TMEM232: variants seen among roughly 807,000 people sequenced by gnomAD.
The protein encoded by TMEM232 is transmembrane protein 232.
Under a neutral mutation model 78.8 loss-of-function variants are expected in TMEM232, and 80 were observed. The ratio of observed to expected loss-of-function variants is 1.01; its 90% CI spans 0.85 to 1.22. The LOEUF (loss-of-function observed/expected upper bound fraction) is 1.22, where lower values mean the gene tolerates loss of function less well. Ranked by LOEUF, TMEM232 falls within the 50% of genes most tolerant of loss-of-function variation. The pLI, the probability that TMEM232 is intolerant of heterozygous loss-of-function variation, is 0.00. For missense variants in TMEM232, 881 were observed against 742.2 expected, an observed-to-expected ratio of 1.19 and a Z score of -2.17; for synonymous variants, 297 against 254.3, an observed-to-expected ratio of 1.17 and a Z score of -1.60.
At chr5:110,578,921 G>A (rs1343970754) in intron 10 of TMEM232, among the ~76,000 whole-genome samples, 1 of 151,770 alleles carries the variant, frequency 6.6e-6, no homozygotes, top group East Asian at 1.9e-4. Context: ...CATTTGCACA[G>A]TGCTATACAA....
chr5:110,415,959 A>G (rs1184202270), downstream of TMEM232, among the ~76,000 whole-genome samples: 1 of 152,208 alleles, frequency 6.6e-6, no homozygotes, highest in African/African-American at 2.4e-5. Context: ...TGTTTTGAAA[A>G]GACATTTTAT....
intron 8 of TMEM232, among the ~76,000 whole-genome samples, chr5:110,607,754 T>A (rs1781694528): frequency 6.6e-6 from 1 of 151,970 alleles, no homozygotes; most frequent in Non-Finnish European, 1.5e-5. Flanking sequence ...AGCTATTATT[T>A]TTCTGGTTAA....
intron 11 of TMEM232, among the ~76,000 whole-genome samples, chr5:110,557,583 T>C (rs1372662046): frequency 6.6e-6 from 1 of 152,158 alleles, no homozygotes; most frequent in Non-Finnish European, 1.5e-5. Flanking sequence ...TTGGGAGGCT[T>C]CAGGCAATTC....
chr5:110,555,341 T>C (rs1050394872), intron 11 of TMEM232, among the ~76,000 whole-genome samples: 1 of 152,174 alleles, frequency 6.6e-6, no homozygotes, highest in African/African-American at 2.4e-5. Context: ...TTTCTTGGTA[T>C]TGATATCCAT....
intron 8 of TMEM232, chr5:110,610,548 C>G (rs1782133948): frequency 2.2e-6 from 1 of 456,100 alleles, no homozygotes; most frequent in African/African-American, 2.0e-5. Context: ...TGCAGAGCTT[C>G]TCAAAGTGAA....
intron 2 of TMEM232, among the ~76,000 whole-genome samples, chr5:110,407,052 GA>G (rs1755817566): frequency 6.6e-6 from 1 of 151,884 alleles, no homozygotes; most frequent in Non-Finnish European, 1.5e-5. Flanking sequence ...AACTACAAAG[GA>G]AGACAATAAG....
intron 11 of TMEM232, among the ~76,000 whole-genome samples, chr5:110,562,459 A>G (rs1014241337): frequency 6.6e-5 from 10 of 152,170 alleles, no homozygotes; most frequent in Middle Eastern, 3.4e-3. Flanking sequence ...TTCCACCTCA[A>G]GTACTATTTA....
At position 110,473,730 on chromosome 5, in the gene TMEM232, C is replaced by T. The variant is rs148736832; in HGVS notation, c.1704-48814G>A. 9.3e-3 allele frequency among the ~76,000 whole-genome samples: 1,395 copies of T among 149,400 alleles called. 8 individuals carry two copies. The highest frequency in any genetic ancestry group is 0.045 in the Middle Eastern group (13 of 292). On this transcript the variant is annotated intron_variant, in intron 12 of 13. Transcript: ENST00000455884. ...ATTCACCATAGCTGAGATATAGAAT[C>T]AATGTAAGTGTCGATCAATGGAAAA...
At chr5:110,618,330 CA>C in intron 8 of TMEM232, 98 bp downstream of exon 8, 3 of 1,430,954 alleles carry the variant, frequency 2.1e-6, no homozygotes, top group Non-Finnish European at 2.8e-6. Flanking sequence ...GTTTCATAGT[CA>C]ACTGAGGTGT....
At chr5:110,428,282 C>A (rs531809247) in intron 12 of TMEM232, among the ~76,000 whole-genome samples, 1 of 151,998 alleles carries the variant, frequency 6.6e-6, no homozygotes, top group Non-Finnish European at 1.5e-5. Flanking sequence ...ACATTCCCCT[C>A]AGTTTCCCTA....
chr5:110,559,306 A>G (rs1038503173), intron 11 of TMEM232, among the ~76,000 whole-genome samples: 1 of 152,162 alleles, frequency 6.6e-6, no homozygotes, highest in Non-Finnish European at 1.5e-5. Flanking sequence ...AATAGTATAC[A>G]AGTAAACCCT....
At chr5:110,574,642 C>A (rs192868406) in intron 10 of TMEM232, among the ~76,000 whole-genome samples, 1 of 152,082 alleles carries the variant, frequency 6.6e-6, no homozygotes, top group African/African-American at 2.4e-5. Flanking sequence ...CAAGCCCCCC[C>A]AAAAATTGTA....
At chr5:110,391,956 C>T (rs1308681885) in intron 3 of TMEM232, among the ~76,000 whole-genome samples, 1 of 152,190 alleles carries the variant, frequency 6.6e-6, no homozygotes, top group African/African-American at 2.4e-5. Context: ...GAGCTTGGTA[C>T]ATGACATTGT....
At position 110,485,559 on chromosome 5, in the gene TMEM232, T is replaced by A. The variant is rs147566067; in HGVS notation, c.1703+43029A>T. Among the ~76,000 whole-genome samples, 17 of 152,272 alleles carry A rather than the reference T, an allele frequency of 1.1e-4. No homozygotes were observed. In the East Asian group the frequency reaches 3.1e-3, roughly 28 times the overall value. ...CACATATCAGTGAGAACATACAATG[T>A]TTGCTTTTTACATTCCTGAGTTGCT... On this transcript the variant is annotated intron_variant, in intron 12 of 13. Transcript: ENST00000455884.
chr5:110,656,838 T>TAA (rs1301001343), intron 2 of TMEM232, among the ~76,000 whole-genome samples: 2 of 131,686 alleles, frequency 1.5e-5, no homozygotes, highest in African/African-American at 5.6e-5. Context: ...ACTCCATCTC[T>TAA]AAAAAAAAAA....
At chr5:110,633,279 G>A (rs1181126398) in intron 5 of TMEM232, among the ~76,000 whole-genome samples, 1 of 151,928 alleles carries the variant, frequency 6.6e-6, no homozygotes, top group East Asian at 1.9e-4. Flanking sequence ...TTATTATCAT[G>A]AAAACATACG....
intron 11 of TMEM232, among the ~76,000 whole-genome samples, chr5:110,536,820 G>T (rs977142773): frequency 3.9e-5 from 6 of 152,160 alleles, no homozygotes; most frequent in Non-Finnish European, 8.8e-5. Context: ...TTCATGAAAA[G>T]GAATTTATGC....
At chr5:110,490,161 G>GAAAGAAAT (rs1275029133) in intron 12 of TMEM232, among the ~76,000 whole-genome samples, 2 of 140,344 alleles carry the variant, frequency 1.4e-5, no homozygotes, top group Admixed American at 6.9e-5. Context: ...AAGAAAGAAA[G>GAAAGAAAT]AAAGAAAGAA....
At position 110,691,525 on chromosome 5, in the gene TMEM232, A is replaced by T. The variant is rs142771568; in HGVS notation, c.-12-24161T>A. On this transcript the variant is annotated intron_variant, in intron 1 of 13. Coordinates refer to ENST00000455884, the MANE Select transcript of TMEM232 (RefSeq NM_001039763.4). ...AAAGAAAAATGGAAATAAAATTCTA[A>T]AAGTGGGCCAAGATGGCTTCAGGTT... 4.0e-4 allele frequency among the ~76,000 whole-genome samples: 61 copies of T among 152,348 alleles called. No homozygotes were observed. The East Asian group carries it at 8.9e-3, about 22-fold the overall frequency.
Sources: allele counts gnomAD v4.1 joint callset (sites outside exome capture counted in the v4.1 genomes callset), GRCh38; gene constraint gnomAD v4.1.1; transcripts MANE v1.5; gene names NCBI Gene and HGNC (gene_info 2026-07-23, HGNC 2026-07-21).